The following NRAP variants were observed in gnomAD, a reference collection of about 807,000 sequenced individuals.
NRAP encodes nebulin-related-anchoring protein.
Under a neutral mutation model 225.9 loss-of-function variants are expected in NRAP, and 189 were observed. That is an observed-to-expected ratio of 0.84 (90% CI 0.74 to 0.94). NRAP has a LOEUF of 0.94. Among genes scored for constraint, NRAP ranks in the 40% least tolerant of loss-of-function variants. NRAP has a pLI of 0.00. For missense variants in NRAP, 2,176 were observed against 2,168.7 expected (o/e 1.00, Z -0.07); for synonymous variants, 769 against 790.7 (o/e 0.97, Z 0.46).
intron 16 of NRAP, among the ~76,000 whole-genome samples, chr10:113,632,241 T>C (rs1438641741): frequency 6.6e-6 from 1 of 152,230 alleles, no homozygotes; most frequent in Non-Finnish European, 1.5e-5. Context: ...CAATAACCTC[T>C]TGGGGCCTCA....
rs151150885 is a variant in NRAP, at chr10:113,614,310, G to A, written c.3187-14C>T. 4 of 1,529,182 alleles carry A rather than the reference G, an allele frequency of 2.6e-6. No homozygotes were observed. In the African/African-American group the frequency reaches 5.4e-5, roughly 21 times the overall value. The allele number at this position is 1,529,182 out of a possible 1,614,324, so 94.7% of individuals were successfully genotyped here. A position where few individuals can be genotyped will look rare whatever the true frequency, so the allele number is the denominator to read the frequency against. On this transcript the variant is annotated splice_polypyrimidine_tract_variant and intron_variant, in intron 28 of 41. Coordinates refer to ENST00000359988, the MANE Select transcript of NRAP (RefSeq NM_198060.4). ...TTTGTATTTGTACTAAAGGGAAAGA[G>A]AGCGGGAGAGAGGAACAGCTCAGGG...
chr10:113,626,220 C>G, intron 20 of NRAP, 75 bp from the exon 21 acceptor site: 1 of 859,378 alleles, frequency 1.2e-6, no homozygotes, highest in Non-Finnish European at 1.8e-6. Flanking sequence ...TGCCCCCACA[C>G]ACACACACAT....
chr10:113,647,651 G>GGTGGTACTTCCTCCCCTA (rs1849643282), intron 9 of NRAP, among the ~76,000 whole-genome samples: 1 of 140,706 alleles, frequency 7.1e-6, no homozygotes, highest in African/African-American at 2.6e-5. Flanking sequence ...GTCTCCCCCC[G>GGTGGTACTTCCTCCCCTA]GTGGTACTGC....
chr10:113,656,028 G>C (rs938892541), intron 4 of NRAP, among the ~76,000 whole-genome samples: 1 of 152,110 alleles, frequency 6.6e-6, no homozygotes, highest in Non-Finnish European at 1.5e-5. Context: ...TGATGGAAAG[G>C]GGGAGGTCGA....
In NRAP at chr10:113,597,959, T is replaced by G. The variant is rs1592729665; in HGVS notation, c.4332+10A>C. ...CCTTGTCACTTGTGGTGGGGACAGG[T>G]TGATGGTACCTCGCTGATGAGTTCT... On this transcript the variant is annotated intron_variant, in intron 36 of 41. Coordinates refer to ENST00000359988, the MANE Select transcript of NRAP (RefSeq NM_198060.4). 1.3e-6 allele frequency: 2 copies of G among 1,584,116 alleles called. No homozygotes were observed. Among genetic ancestry groups the G allele is most frequent in the South Asian group, 2.2e-5 (2 of 90,414 alleles).
chr10:113,617,696 G>A (rs984697224), intron 25 of NRAP, 143 bp from the exon 26 acceptor site: 7 of 621,936 alleles, frequency 1.1e-5, no homozygotes, highest in Non-Finnish European at 2.0e-5. Flanking sequence ...TATATCCTAG[G>A]TGCCTTCAGG....
chr10:113,649,136 A>G (rs1299308527), intron 9 of NRAP, among the ~76,000 whole-genome samples: 1 of 152,222 alleles, frequency 6.6e-6, no homozygotes, highest in Non-Finnish European at 1.5e-5. Flanking sequence ...AAAACCAAGC[A>G]TTTTTGCTCT....
At chr10:113,639,843 T>C (rs1484513725) in intron 14 of NRAP, among the ~76,000 whole-genome samples, 1 of 152,224 alleles carries the variant, frequency 6.6e-6, no homozygotes, top group Non-Finnish European at 1.5e-5. Context: ...AGACATTTTA[T>C]TTTACTTCCT....
At chr10:113,650,610 T>A in intron 7 of NRAP, 65 bp from the exon 8 acceptor site, 1 of 1,101,050 alleles carries the variant, frequency 9.1e-7, no homozygotes, top group Non-Finnish European at 1.4e-6. Context: ...TGAGATGCTC[T>A]GCTAAGGGTT....
At chr10:113,638,085 T>A (rs1168475453) in intron 14 of NRAP, among the ~76,000 whole-genome samples, 1 of 152,228 alleles carries the variant, frequency 6.6e-6, no homozygotes, top group Non-Finnish European at 1.5e-5. Context: ...GACTTCCTAA[T>A]GTATTAATTC....
chr10:113,652,874 G>A (rs1448736571), intron 6 of NRAP, 61 bp downstream of exon 6: 40 of 1,101,444 alleles, frequency 3.6e-5, no homozygotes, highest in Non-Finnish European at 4.7e-5. Context: ...CCTAAATCAC[G>A]GGGGCTCATT....
chr10:113,606,146 C>T (rs1281113010), intron 33 of NRAP, 32 bp downstream of exon 33: 7 of 1,479,836 alleles, frequency 4.7e-6, no homozygotes, highest in Middle Eastern at 1.7e-4. Context: ...GGCTTTGGAG[C>T]ATGCTTGAAC....
chr10:113,616,451 AGTTG>A (rs1252327795), intron 26 of NRAP, among the ~76,000 whole-genome samples: 2 of 152,202 alleles, frequency 1.3e-5, no homozygotes, highest in African/African-American at 4.8e-5. Context: ...TGCCCCCTAG[AGTTG>A]GCTAGGATAA....
rs1290777970 is a variant in NRAP, at chr10:113,589,164, A to C, written c.5089-85T>G. ...CCGGTTCCCACAGGACACGCTAAGA[A>C]GCACAGGGAGCATTTAACAGGCTCA... On this transcript the variant is annotated intron_variant, in intron 41 of 41. Transcript: ENST00000359988. 9 of 1,053,074 alleles carry C rather than the reference A, an allele frequency of 8.5e-6. No homozygotes were observed. In the South Asian group the frequency reaches 1.3e-4, roughly 15 times the overall value. 65.2% of individuals were successfully genotyped at this position (1,053,074 alleles called of 1,614,324 possible).
rs1023865351 is a variant in NRAP at position 113,588,729 on chromosome 10, A to G, written c.*246T>C. 1.8e-6 allele frequency: 1 copy of G among 554,696 alleles called. No individual in the cohort carries two copies. Among genetic ancestry groups the G allele is most frequent in the Non-Finnish European group, 3.2e-6 (1 of 315,014 alleles). 34.4% of individuals were successfully genotyped at this position (554,696 alleles called of 1,614,324 possible). ...ATCCCCAGCATCAGCGGGAACCACC[A>G]TCACATCTTTATTCCTCAGCCCAGA... On this transcript the variant is annotated 3_prime_UTR_variant, in exon 42 of 42. Transcript: ENST00000359988.
intron 3 of NRAP, among the ~76,000 whole-genome samples, chr10:113,660,725 T>C (rs1054153221): frequency 2.0e-5 from 3 of 152,244 alleles, no homozygotes; most frequent in African/African-American, 7.2e-5. Flanking sequence ...TCATGTTTTA[T>C]GTGTCAAATC....
chr10:113,663,351 C>G lies in NRAP; in HGVS notation c.167+1G>C, dbSNP rs753968668. 36 of 1,587,152 alleles carry G rather than the reference C, an allele frequency of 2.3e-5. No individual in the cohort carries two copies. In the South Asian group the frequency reaches 3.5e-4, roughly 16 times the overall value. On this transcript the variant is annotated splice_donor_variant, in intron 2 of 41. Transcript: ENST00000359988. LOFTEE classifies it high-confidence loss of function. Reference sequence around the variant, plus strand: ...TAGTGGTGGGGGCATCAAACACTTACGCGTGACAGTACGGCTTTTTCTGGT... The same window carrying G: ...TAGTGGTGGGGGCATCAAACACTTAGGCGTGACAGTACGGCTTTTTCTGGT...
In NRAP at chr10:113,611,750, C is replaced by T. The variant is rs141027539; in HGVS notation, c.3498+484G>A. On this transcript the variant is annotated intron_variant, in intron 30 of 41. Coordinates refer to ENST00000359988, the MANE Select transcript of NRAP (RefSeq NM_198060.4). ...CCTCAGAAGGCGGGTGGCACAGGAACGCATGAAGCACCAAGAGGAATCCTT... is the reference window on the plus strand; with the variant it reads ...CCTCAGAAGGCGGGTGGCACAGGAATGCATGAAGCACCAAGAGGAATCCTT... Among the ~76,000 whole-genome samples, 651 of 152,288 alleles carry T rather than the reference C, an allele frequency of 4.3e-3. 2 individuals are homozygous for T. The highest frequency in any genetic ancestry group is 6.1e-3 in the Non-Finnish European group (414 of 68,018).
Position 113,618,984 on chromosome 10 carries a change from C to T in NRAP, c.2875-1431G>A, listed in dbSNP as rs555367177. 9.2e-5 allele frequency among the ~76,000 whole-genome samples: 14 copies of T among 152,168 alleles called. No individual in the cohort carries two copies. The East Asian group carries it at 9.6e-4, about 10-fold the overall frequency. ...TAAAATAAAAGAAGGTGGCCCAATT[C>T]GACAGTAACTTGTAAATGTGACAGC... On this transcript the variant is annotated intron_variant, in intron 25 of 41. Coordinates refer to ENST00000359988, the MANE Select transcript of NRAP (RefSeq NM_198060.4).
Sources: gnomAD v4.1 joint callset for allele counts (sites outside exome capture counted in the v4.1 genomes callset) on GRCh38, gnomAD v4.1.1 for gene constraint, MANE v1.5 for transcripts, NCBI Gene and HGNC (gene_info 2026-07-23, HGNC 2026-07-21) for gene names.